Variants in SRGAP1 observed in about 807,000 individuals in gnomAD.
The protein encoded by SRGAP1 is SLIT-ROBO Rho GTPase activating protein 1.
Under a neutral mutation model 121.9 loss-of-function variants are expected in SRGAP1, and 43 were observed. The ratio of observed to expected loss-of-function variants is 0.35; its 90% CI spans 0.28 to 0.46. The LOEUF is 0.46. SRGAP1 is among the 20% of genes least tolerant of loss of function. The probability of loss-of-function intolerance (pLI) is 1.00; values close to 1 mark genes in which losing one functional copy is unlikely to be tolerated. For synonymous variants in SRGAP1, 447 were observed against 485.4 expected (o/e 0.92, Z 1.04); for missense variants, 1,102 against 1,350.9 (o/e 0.82, Z 2.89).
intron 15 of SRGAP1, among the ~76,000 whole-genome samples, chr12:64,107,948 C>T (rs2036371814): frequency 1.3e-5 from 2 of 152,084 alleles, no homozygotes; most frequent in Non-Finnish European, 2.9e-5. Flanking sequence ...ACTTGTGAAA[C>T]AGACTTATGA....
intron 1 of SRGAP1, among the ~76,000 whole-genome samples, chr12:63,928,238 G>A (rs1401574299): frequency 1.3e-5 from 2 of 152,108 alleles, no homozygotes; most frequent in East Asian, 3.9e-4. Flanking sequence ...GTATAAAATG[G>A]TACAACTATT....
chr12:64,109,389 C>T (rs758733215), intron 16 of SRGAP1, among the ~76,000 whole-genome samples: 1 of 151,984 alleles, frequency 6.6e-6, no homozygotes, highest in Non-Finnish European at 1.5e-5. Flanking sequence ...CTGTTCATTG[C>T]GGAAAATTTC....
chr12:64,004,577 G>A (rs961209366), intron 3 of SRGAP1, among the ~76,000 whole-genome samples: 11 of 151,972 alleles, frequency 7.2e-5, no homozygotes, highest in Admixed American at 6.6e-4. Flanking sequence ...TCACCATGTT[G>A]GCCAAGATGG....
intron 8 of SRGAP1, among the ~76,000 whole-genome samples, chr12:64,075,560 C>T (rs1451979662): frequency 6.6e-6 from 1 of 152,178 alleles, no homozygotes; most frequent in African/African-American, 2.4e-5. Context: ...ATACCATCTT[C>T]ACATCTGTTT....
At chr12:63,862,159 G>T (rs570759366) in intron 1 of SRGAP1, among the ~76,000 whole-genome samples, 3 of 152,160 alleles carry the variant, frequency 2.0e-5, no homozygotes, top group African/African-American at 7.2e-5. Flanking sequence ...AGTCAAAGAA[G>T]AAATTATTAT....
Position 64,159,143 on chromosome 12 carries a change from ACCCCATCCCT to A in SRGAP1, c.*16472_*16481del. On this transcript the variant is annotated 3_prime_UTR_variant, in exon 22 of 22. Coordinates refer to ENST00000355086, the MANE Select transcript of SRGAP1 (RefSeq NM_020762.4). Reference sequence around the variant, plus strand: ...AGACCAGCCTGGGCAACATAGCAAGACCCCATCCCTACAAAACAGTTTTTTAAAAAACTAG... The same window carrying A: ...AGACCAGCCTGGGCAACATAGCAAGAACAAAACAGTTTTTTAAAAAACTAG... The A allele has an allele frequency of 6.6e-6, 1 of 152,332 alleles. No individual in the cohort carries two copies. Among genetic ancestry groups the A allele is most frequent in the African/African-American group, 2.4e-5 (1 of 41,314 alleles). The allele number at this position is 152,332 out of a possible 1,614,324, so 9.4% of individuals were successfully genotyped here. A position where few individuals can be genotyped will look rare whatever the true frequency, so the allele number is the denominator to read the frequency against.
intron 1 of SRGAP1, among the ~76,000 whole-genome samples, chr12:63,936,602 G>A (rs564965807): frequency 6.6e-6 from 1 of 152,146 alleles, no homozygotes; most frequent in Non-Finnish European, 1.5e-5. Flanking sequence ...AGACAGTACA[G>A]TGAAGACATA....
At chr12:63,910,718 G>A (rs764378179) in intron 1 of SRGAP1, among the ~76,000 whole-genome samples, 3 of 152,190 alleles carry the variant, frequency 2.0e-5, no homozygotes, top group African/African-American at 4.8e-5. Flanking sequence ...GTTGCTCGTG[G>A]TTATAGGTAC....
intron 18 of SRGAP1, chr12:64,116,108 T>G: frequency 2.1e-6 from 1 of 483,752 alleles, no homozygotes; most frequent in Non-Finnish European, 3.8e-6. Context: ...ATACAAAAAA[T>G]TAGCCAGGCG....
chr12:64,124,922 A>G (rs986156206), intron 18 of SRGAP1, among the ~76,000 whole-genome samples: 5 of 152,180 alleles, frequency 3.3e-5, no homozygotes, highest in Admixed American at 2.6e-4. Flanking sequence ...GGAAATTGAC[A>G]ATGATACAAA....
At position 64,110,740 on chromosome 12, in the gene SRGAP1, T is replaced by C. The variant is rs572289784; in HGVS notation, c.1920-1022T>C. Among the ~76,000 whole-genome samples, 8 of 152,298 alleles carry C rather than the reference T, an allele frequency of 5.3e-5. No homozygotes were observed. In the East Asian group the frequency reaches 5.8e-4, roughly 11 times the overall value. ...ACTGTTATTGTGATTTTTTAAAAAA[T>C]ATTGTGTGTTTGAGAAATGGCAGAA... On this transcript the variant is annotated intron_variant, in intron 16 of 21. Transcript: ENST00000355086.
intron 15 of SRGAP1, among the ~76,000 whole-genome samples, chr12:64,107,102 C>T (rs752349620): frequency 1.3e-5 from 2 of 152,142 alleles, no homozygotes; most frequent in Non-Finnish European, 2.9e-5. Flanking sequence ...TCTCAGGAAT[C>T]CTGATAAATT....
chr12:64,130,892 T>C (rs2036774956), intron 21 of SRGAP1, among the ~76,000 whole-genome samples: 1 of 152,198 alleles, frequency 6.6e-6, no homozygotes, highest in African/African-American at 2.4e-5. Context: ...GCCCTTTTCA[T>C]GATGGAAGAG....
intron 21 of SRGAP1, among the ~76,000 whole-genome samples, chr12:64,132,439 T>C (rs776843200): frequency 6.6e-6 from 1 of 152,194 alleles, no homozygotes; most frequent in Non-Finnish European, 1.5e-5. Context: ...AGTCACTCGA[T>C]AAATGGGCCA....
intron 18 of SRGAP1, among the ~76,000 whole-genome samples, chr12:64,118,075 A>G (rs1278223520): frequency 6.6e-6 from 1 of 152,184 alleles, no homozygotes; most frequent in Non-Finnish European, 1.5e-5. Context: ...GTGCTCTTCA[A>G]GATCCTGATT....
intron 1 of SRGAP1, among the ~76,000 whole-genome samples, chr12:63,905,746 C>T (rs898302500): frequency 1.3e-5 from 2 of 152,218 alleles, no homozygotes; most frequent in African/African-American, 4.8e-5. Flanking sequence ...GGAACAGACA[C>T]TCTCACATAC....
At chr12:64,102,832 C>A (rs1056116612) in intron 15 of SRGAP1, among the ~76,000 whole-genome samples, 6 of 152,044 alleles carry the variant, frequency 3.9e-5, no homozygotes, top group African/African-American at 1.4e-4. Flanking sequence ...ACCAAGTGAC[C>A]ACTAATGGAT....
At position 64,128,110 on chromosome 12, in the gene SRGAP1, C is replaced by T. The variant is rs369231301; in HGVS notation, c.2790C>T (p.Ile930=). 97 of 1,614,118 alleles carry T rather than the reference C, an allele frequency of 6.0e-5. No individual in the cohort carries two copies. Among genetic ancestry groups the T allele is most frequent in the Admixed American group, 1.8e-4 (11 of 60,030 alleles). ...NISRHDSLKK[I]DSPPIRRSTS... ...GCCGGCACGACTCCCTCAAGAAGAT[C>T]GACAGCCCTCCCATTAGAAGGTCCA... Residue 930 remains isoleucine, a synonymous_variant, in exon 21 of 22, where the codon ATC becomes ATT. Transcript: ENST00000355086.
intron 15 of SRGAP1, among the ~76,000 whole-genome samples, chr12:64,102,091 C>T (rs78950133): frequency 0.038 from 5,719 of 152,304 alleles, 143 homozygotes; most frequent in Non-Finnish European, 0.054. Flanking sequence ...TAATATACAA[C>T]ATAACCACAA....
Sources: gnomAD v4.1 joint callset for allele counts (sites outside exome capture counted in the v4.1 genomes callset) on GRCh38, gnomAD v4.1.1 for gene constraint, MANE v1.5 for transcripts, NCBI Gene and HGNC (gene_info 2026-07-23, HGNC 2026-07-21) for gene names.